PIK3C2A: variants seen among roughly 807,000 people sequenced by gnomAD.
The protein encoded by PIK3C2A is phosphatidylinositol 4-phosphate 3-kinase C2 domain-containing subunit alpha.
A neutral mutation model predicts 204.5 loss-of-function variants in PIK3C2A; 97 were observed. The ratio of observed to expected loss-of-function variants is 0.47; its 90% CI spans 0.40 to 0.56. PIK3C2A has a LOEUF of 0.56. PIK3C2A is among the 20% of genes least tolerant of loss of function. The probability of loss-of-function intolerance (pLI) is 0.00; values close to 1 mark genes in which losing one functional copy is unlikely to be tolerated. For synonymous variants in PIK3C2A, 653 were observed against 664.4 expected, an observed-to-expected ratio of 0.98 and a Z score of 0.26; for missense variants, 1,735 against 1,969.2, an observed-to-expected ratio of 0.88 and a Z score of 2.25.
At chr11:17,135,429 A>AG (rs1763010537) in intron 9 of PIK3C2A, among the ~76,000 whole-genome samples, 2 of 152,232 alleles carry the variant, frequency 1.3e-5, no homozygotes, top group Non-Finnish European at 2.9e-5. Context: ...TTTGAAATCT[A>AG]GAAGTGACAA....
At chr11:17,196,849 C>T (rs550818733) in intron 1 of PIK3C2A, among the ~76,000 whole-genome samples, 2 of 151,754 alleles carry the variant, frequency 1.3e-5, no homozygotes, top group Non-Finnish European at 2.9e-5. Context: ...GGATTACAGG[C>T]GTGAGAGGCG....
At chr11:17,178,919 C>T (rs1291170495) in intron 1 of PIK3C2A, among the ~76,000 whole-genome samples, 1 of 149,598 alleles carries the variant, frequency 6.7e-6, no homozygotes, top group Non-Finnish European at 1.5e-5. Flanking sequence ...TTAGTAGAGA[C>T]GGGGTTTCAC....
intron 8 of PIK3C2A, among the ~76,000 whole-genome samples, chr11:17,139,400 G>T (rs969310581): frequency 6.6e-6 from 1 of 151,220 alleles, no homozygotes; most frequent in Non-Finnish European, 1.5e-5. Context: ...GCTAATTTTT[G>T]TAATTTTAGT....
chr11:17,180,459 G>T (rs190952012), intron 1 of PIK3C2A, among the ~76,000 whole-genome samples: 7 of 151,590 alleles, frequency 4.6e-5, no homozygotes, highest in African/African-American at 1.7e-4. Flanking sequence ...ATCACAAAGA[G>T]CTAATCTTTC....
intron 13 of PIK3C2A, among the ~76,000 whole-genome samples, chr11:17,123,421 G>GTTTTTTTTTT (rs555389887): frequency 1.7e-5 from 2 of 121,178 alleles, no homozygotes. Flanking sequence ...GCTAATTCTT[G>GTTTTTTTTTT]TTTTTTTTTT....
In PIK3C2A at chr11:17,114,497, T is replaced by C. The variant is rs780310003; in HGVS notation, c.3217-32A>G. 1.3e-5 allele frequency: 12 copies of C among 945,854 alleles called. No individual in the cohort carries two copies. The African/African-American group carries it at 1.3e-4, about 10-fold the overall frequency. The allele number at this position is 945,854 out of a possible 1,614,324, so 58.6% of individuals were successfully genotyped here. A position where few individuals can be genotyped will look rare whatever the true frequency, so the allele number is the denominator to read the frequency against. ...AAAGAGATGTGATACTGTAAGTACA[T>C]AATGAAAATGAAGATCTATTTTTCA... On this transcript the variant is annotated intron_variant, in intron 19 of 32. Transcript: ENST00000691414.
intron 32 of PIK3C2A, among the ~76,000 whole-genome samples, chr11:17,090,874 G>C (rs1848289232): frequency 6.6e-6 from 1 of 151,650 alleles, no homozygotes; most frequent in Non-Finnish European, 1.5e-5. Flanking sequence ...CGAGGAGCTG[G>C]GATTACAGGT....
Position 17,134,909 on chromosome 11 carries a change from C to T in PIK3C2A, c.2018G>A (p.Ser673Asn). ...GRSPTDCAQS[S>N]KSVKEAWTTT... ...AGTCCATGCTTCCTTGACACTCTTG[C>T]TACTTTGGGCACAGTCTGTAGGACT... The change falls in exon 11 of 33, where the codon AGC becomes AAC. Residue 673 changes from serine (S) to asparagine (N), a missense_variant. Physicochemically the swap from Ser to Asn is conservative, Grantham distance 46 (BLOSUM62 1). Around this residue, in one of 6 missense-constraint regions of PIK3C2A, gnomAD observed 567 missense variants for 576.0 expected, o/e 0.98. Transcript: ENST00000691414. 5 of 1,614,122 alleles carry T rather than the reference C, an allele frequency of 3.1e-6. No homozygotes were observed. The highest frequency in any genetic ancestry group is 1.1e-5 in the South Asian group (1 of 91,082).
At chr11:17,143,397 T>G (rs1850127315) in intron 8 of PIK3C2A, among the ~76,000 whole-genome samples, 1 of 152,038 alleles carries the variant, frequency 6.6e-6, no homozygotes, top group South Asian at 2.1e-4. Context: ...CAACCTGAAA[T>G]CTAACTTCCA....
chr11:17,159,468 G>A (rs1488546896), intron 2 of PIK3C2A, among the ~76,000 whole-genome samples: 5 of 152,184 alleles, frequency 3.3e-5, no homozygotes, highest in African/African-American at 9.7e-5. Context: ...TTAGGTCATC[G>A]TCTAGAAATG....
Position 17,168,688 on chromosome 11 carries a change from G to A in PIK3C2A, c.1054C>T (p.His352Tyr). The A allele has an allele frequency of 6.4e-7, 1 of 1,568,746 alleles. No homozygotes were observed. The highest frequency in any genetic ancestry group is 8.6e-7 in the Non-Finnish European group (1 of 1,157,484). The change falls in exon 2 of 33, where the codon CAT becomes TAT. Residue 352 changes from histidine (H) to tyrosine (Y), a missense_variant. Transcript: ENST00000691414. Reference sequence around the variant, plus strand: ...AGAAAAGACTATACCTGAGATATATGGCCCTGGGCTTTTGCAAGCTGAGTT... The same window carrying A: ...AGAAAAGACTATACCTGAGATATATAGCCCTGGGCTTTTGCAAGCTGAGTT... ...RTTQLAKAQG[H>Y]ISQKDPNGTS... is the part of the protein sequence containing the mutation.
At chr11:17,098,039 T>A (rs911555254) in intron 26 of PIK3C2A, among the ~76,000 whole-genome samples, 2 of 152,192 alleles carry the variant, frequency 1.3e-5, no homozygotes, top group Admixed American at 1.3e-4. Context: ...TTCATTCAGT[T>A]GGAAAAAGAA....
chr11:17,154,832 C>T (rs1018592302), intron 3 of PIK3C2A, among the ~76,000 whole-genome samples: 1 of 152,146 alleles, frequency 6.6e-6, no homozygotes, highest in Non-Finnish European at 1.5e-5. Context: ...CCCATCCTTC[C>T]TCTATCTGCT....
intron 2 of PIK3C2A, 64 bp from the exon 3 acceptor site, chr11:17,155,693 C>T (rs2137448939): frequency 2.5e-6 from 2 of 806,266 alleles, no homozygotes; most frequent in East Asian, 5.0e-5. Flanking sequence ...CATAGCAGCA[C>T]AGCACAAACA....
chr11:17,184,589 A>G (rs1159584671), intron 1 of PIK3C2A, among the ~76,000 whole-genome samples: 7 of 152,178 alleles, frequency 4.6e-5, no homozygotes, highest in Admixed American at 2.0e-4. Flanking sequence ...AAAAAATTAA[A>G]AAGTTTATAA....
chr11:17,100,362 T>C (rs1239114295), intron 25 of PIK3C2A, among the ~76,000 whole-genome samples: 4 of 151,452 alleles, frequency 2.6e-5, no homozygotes, highest in African/African-American at 7.3e-5. Context: ...TACAGATACG[T>C]ACCACTATGC....
rs1851077187 is a variant in PIK3C2A at position 17,169,235 on chromosome 11, T to C, written c.507A>G (p.Gln169=). Residue 169 remains glutamine (Q), a synonymous_variant, in exon 2 of 33, where the codon CAA becomes CAG. Transcript: ENST00000691414. ...TGGGCATTCTTGGATTGAAGCCATT[T>C]TGGAATGCAGCCTGTTTACTGTAAG... The part of the protein sequence containing the change: ...PSTYSKQAAF[Q]NGFNPRMPTF... 5 of 1,614,140 alleles carry C rather than the reference T, an allele frequency of 3.1e-6. No homozygotes were observed. The highest frequency in any genetic ancestry group is 1.6e-4 in the Middle Eastern group (1 of 6,062).
chr11:17,179,093 G>A (rs1174413317), intron 1 of PIK3C2A, among the ~76,000 whole-genome samples: 1 of 152,004 alleles, frequency 6.6e-6, no homozygotes, highest in East Asian at 1.9e-4. Context: ...TCAAACTCCT[G>A]ACCTCAGGTA....
At chr11:17,150,093 T>C (rs1850378937) in intron 4 of PIK3C2A, among the ~76,000 whole-genome samples, 1 of 152,158 alleles carries the variant, frequency 6.6e-6, no homozygotes, top group African/African-American at 2.4e-5. Flanking sequence ...CATACCAAGT[T>C]TGGAAGAAAG....
Sources: gnomAD v4.1 joint callset for allele counts (sites outside exome capture counted in the v4.1 genomes callset) on GRCh38, gnomAD v4.1.1 for gene constraint, gnomAD v4.1.1 regional missense constraint, MANE v1.5 for transcripts, NCBI Gene and HGNC (gene_info 2026-07-23, HGNC 2026-07-21) for gene names.